The following VNN2 variants were observed in gnomAD, a reference collection of about 807,000 sequenced individuals.
The protein encoded by VNN2 is vanin 2.
In VNN2, 43 loss-of-function variants were observed where a neutral mutation model predicts 43.0. The ratio of observed to expected loss-of-function variants is 1.00; its 90% CI spans 0.78 to 1.29. The LOEUF (loss-of-function observed/expected upper bound fraction) is 1.29. Ranked by LOEUF, VNN2 falls within the 50% of genes most tolerant of loss-of-function variation. The probability of loss-of-function intolerance (pLI) is 0.00; values close to 1 mark genes in which losing one functional copy is unlikely to be tolerated. For synonymous variants in VNN2, 230 were observed against 224.3 expected, an observed-to-expected ratio of 1.03 and a Z score of -0.23; for missense variants, 652 against 619.7, an observed-to-expected ratio of 1.05 and a Z score of -0.55.
In VNN2 at chr6:132,755,997, A is replaced by G; in HGVS notation, c.383T>C (p.Leu128Pro). 1 of 1,614,018 alleles carries G rather than the reference A, an allele frequency of 6.2e-7. No individual in the cohort carries two copies. The highest frequency in any genetic ancestry group is 1.6e-4 in the Middle Eastern group (1 of 6,062). ...GACATAGATAGAGTTGTCCTTGGCC[A>G]GGCAGCTGAGTCTTGCTTGTACTGG... Reference protein sequence around the residue: ...HTPVQARLSCLAKDNSIYVLA... With the variant: ...HTPVQARLSCPAKDNSIYVLA... The change falls in exon 3 of 7, where the codon CTG (leucine) becomes CCG (proline). Residue 128 changes from leucine to proline, a missense_variant. Coordinates refer to ENST00000326499, the MANE Select transcript of VNN2 (RefSeq NM_004665.6).
chr6:132,752,160 T>C (rs960902154), intron 4 of VNN2, among the ~76,000 whole-genome samples: 1 of 152,232 alleles, frequency 6.6e-6, no homozygotes, highest in Non-Finnish European at 1.5e-5. Flanking sequence ...AGGAAAGTAG[T>C]AGCTGGGTAG....
At chr6:132,753,885 A>AG in intron 3 of VNN2, 1 of 147,098 alleles carries the variant, frequency 6.8e-6, no homozygotes, top group Non-Finnish European at 1.5e-5. Context: ...CCTGGGAGTC[A>AG]GAGGTTGCAG....
At position 132,744,555 on chromosome 6, in the gene VNN2, C is replaced by A. The variant is rs1478476053; in HGVS notation, c.1372-64G>T. ...ACATAGAAGTTAAAAGCAAATTAAT[C>A]ATTTTGAAACCATCCTAGATATAAT... On this transcript the variant is annotated intron_variant, in intron 6 of 6. Transcript: ENST00000326499. The A allele has an allele frequency of 1.4e-5, 20 of 1,445,506 alleles. No homozygotes were observed. The South Asian group carries it at 2.3e-4, about 16-fold the overall frequency. 89.5% of individuals were successfully genotyped at this position (1,445,506 alleles called of 1,614,324 possible). A position where few individuals can be genotyped will look rare whatever the true frequency, so the allele number is the denominator to read the frequency against.
upstream of VNN2, chr6:132,758,039 CTTTTTT>C (rs533088096): frequency 2.7e-4 from 44 of 164,934 alleles, no homozygotes; most frequent in African/African-American, 6.4e-4. Flanking sequence ...TCTTCTTCTT[CTTTTTT>C]TTTTTTTTTT....
upstream of VNN2, among the ~76,000 whole-genome samples, chr6:132,762,260 C>T (rs1780756249): frequency 6.6e-6 from 1 of 152,180 alleles, no homozygotes; most frequent in Non-Finnish European, 1.5e-5. Flanking sequence ...ACTGGACTTC[C>T]TGTTCTGTCC....
intron 3 of VNN2, among the ~76,000 whole-genome samples, chr6:132,754,344 A>G (rs1780325581): frequency 6.6e-6 from 1 of 152,244 alleles, no homozygotes; most frequent in Non-Finnish European, 1.5e-5. Flanking sequence ...AATCCACAAA[A>G]TTATGAAGAA....
upstream of VNN2, among the ~76,000 whole-genome samples, chr6:132,758,282 A>G (rs1780625838): frequency 6.6e-6 from 1 of 151,732 alleles, no homozygotes; most frequent in Non-Finnish European, 1.5e-5. Context: ...TGATCTTGTG[A>G]TCCATCCACC....
upstream of VNN2, among the ~76,000 whole-genome samples, chr6:132,759,840 G>T (rs1780697586): frequency 6.6e-6 from 1 of 152,090 alleles, no homozygotes; most frequent in African/African-American, 2.4e-5. Context: ...AATGTAAAGG[G>T]ATAGATATTT....
At chr6:132,752,917 GGAA>G in intron 3 of VNN2, 168 bp from the exon 4 acceptor site, 1 of 664,942 alleles carries the variant, frequency 1.5e-6, no homozygotes, top group South Asian at 2.0e-5. Context: ...AAAATGTGGA[GGAA>G]TATGTAACAT....
At position 132,751,156 on chromosome 6, in the gene VNN2, C is replaced by T. The variant is rs1311412062; in HGVS notation, c.1189G>A (p.Glu397Lys). 6.9e-6 allele frequency: 11 copies of T among 1,596,752 alleles called. No homozygotes were observed. The highest frequency in any genetic ancestry group is 9.4e-6 in the Non-Finnish European group (11 of 1,171,724). Reference protein sequence around the residue: ...FTGLHGRRRREYWQVCTLLKC... With the variant: ...FTGLHGRRRRKYWQVCTLLKC... ...TGAACTGAAATTACCTGCCAGTACT[C>T]TCTTCTCCTTCGGCCATGTAATCCT... The change falls in exon 5 of 7, where the codon GAG (glutamate) becomes AAG (lysine). Residue 397 changes from glutamate (E) to lysine (K), a missense_variant. Physicochemically the swap from Glu to Lys is moderately conservative, Grantham distance 56. Transcript: ENST00000326499.
intron 2 of VNN2, 95 bp from the exon 3 acceptor site, chr6:132,756,130 CTTAAG>C (rs1205707708): frequency 5.0e-6 from 6 of 1,197,066 alleles, no homozygotes; most frequent in African/African-American, 1.5e-5. Context: ...TTAAGTGGAA[CTTAAG>C]TTAATACAAA....
Position 132,751,211 on chromosome 6 carries a change from C to A in VNN2, c.1134G>T (p.Glu378Asp). The A allele has an allele frequency of 1.2e-6, 2 of 1,614,130 alleles. No individual in the cohort carries two copies. Among genetic ancestry groups the A allele is most frequent in the African/African-American group, 1.3e-5 (1 of 75,022 alleles). The part of the protein sequence containing the change: ...HLSYRMLQKE[E>D]NEVYVLGAFT... ...AAGCTCCTAGAACGTATACTTCATT[C>A]TCTTCTTTTTGTAACATTCTGTAGC... Residue 378 changes from glutamate to aspartate, a missense_variant, in exon 5 of 7, where the codon GAG (glutamate) becomes GAT (aspartate). By Grantham distance (45) the Glu-to-Asp change is conservative. Transcript: ENST00000326499.
At chr6:132,755,034 G>T (rs1780367833) in intron 3 of VNN2, among the ~76,000 whole-genome samples, 1 of 152,234 alleles carries the variant, frequency 6.6e-6, no homozygotes, top group East Asian at 1.9e-4. Context: ...AATTAGCATG[G>T]TGGCACATGC....
chr6:132,753,100 G>A (rs1329304677), intron 3 of VNN2: 2 of 204,276 alleles, frequency 9.8e-6, no homozygotes, highest in Non-Finnish European at 2.0e-5. Flanking sequence ...AGGCTGGAGT[G>A]CAGTGGCATG....
chr6:132,759,415 G>GCGACAGA (rs1780677963), upstream of VNN2, among the ~76,000 whole-genome samples: 1 of 143,524 alleles, frequency 7.0e-6, no homozygotes, highest in Non-Finnish European at 1.5e-5. Context: ...CTCCAGGCTG[G>GCGACAGA]GCGACAGAGC....
intron 6 of VNN2, among the ~76,000 whole-genome samples, chr6:132,749,388 G>A (rs778760602): frequency 2.0e-5 from 3 of 152,134 alleles, no homozygotes; most frequent in Non-Finnish European, 2.9e-5. Flanking sequence ...GAGACCACGG[G>A]GAGAGATGGC....
intron 4 of VNN2, 35 bp from the exon 5 acceptor site, chr6:132,751,553 C>A: frequency 6.4e-7 from 1 of 1,562,644 alleles, no homozygotes; most frequent in African/African-American, 1.4e-5. Context: ...AAAAACAACA[C>A]CACACACAAA....
intron 3 of VNN2, among the ~76,000 whole-genome samples, chr6:132,754,688 G>A (rs945182782): frequency 6.6e-6 from 1 of 152,070 alleles, no homozygotes; most frequent in African/African-American, 2.4e-5. Flanking sequence ...ATGACTTAAA[G>A]GTTATTTGAT....
chr6:132,755,381 T>A (rs1288267118), intron 3 of VNN2, among the ~76,000 whole-genome samples: 1 of 109,082 alleles, frequency 9.2e-6, no homozygotes, highest in Non-Finnish European at 1.8e-5. Context: ...TTTCTTTTTT[T>A]TCTTTTTTTT....
Sources: gnomAD v4.1 joint callset for allele counts (sites outside exome capture counted in the v4.1 genomes callset) on GRCh38, gnomAD v4.1.1 for gene constraint, MANE v1.5 for transcripts, NCBI Gene and HGNC (gene_info 2026-07-23, HGNC 2026-07-21) for gene names.